LRP1B: variants seen among roughly 807,000 people sequenced by gnomAD.
LRP1B encodes the protein low-density lipoprotein receptor-related protein 1B.
In LRP1B, 217 loss-of-function variants were observed where a neutral mutation model predicts 556.6. The observed-to-expected ratio is 0.39, with a 90% confidence interval of 0.35 to 0.44. LRP1B has a LOEUF of 0.44. Among genes scored for constraint, LRP1B ranks in the 20% least tolerant of loss-of-function variants. The pLI is 1.00. For missense variants in LRP1B, 5,053 were observed against 5,620.8 expected (o/e 0.90, Z 3.23); for synonymous variants, 2,047 against 1,865.8 (o/e 1.10, Z -2.50).
intron 3 of LRP1B, among the ~76,000 whole-genome samples, chr2:141,474,204 T>A (rs1321047888): frequency 1.6e-5 from 2 of 128,020 alleles, no homozygotes; most frequent in Non-Finnish European, 3.4e-5. Context: ...CAGATAAATT[T>A]TTCCTTTCTG....
Position 140,521,073 on chromosome 2 carries a change from C to A in LRP1B, c.8027-4062G>T, listed in dbSNP as rs542124527. On this transcript the variant is annotated intron_variant, in intron 49 of 90. Transcript: ENST00000389484. ...TCAAGAAAAGTGATAAAATCTATGA[C>A]TTATTGAGATTCATGAGAGAGAAGA... Among the ~76,000 whole-genome samples, 51 of 151,834 alleles carry A rather than the reference C, an allele frequency of 3.4e-4. No homozygotes were observed. In the South Asian group the frequency reaches 1.0e-2, roughly 30 times the overall value.
intron 43 of LRP1B, among the ~76,000 whole-genome samples, chr2:140,544,969 CTT>C (rs1680273603): frequency 6.6e-6 from 1 of 152,018 alleles, no homozygotes; most frequent in African/African-American, 2.4e-5. Context: ...TACTTATTGA[CTT>C]TTTAATAATA....
At chr2:142,027,537 A>C (rs748996733) in intron 1 of LRP1B, among the ~76,000 whole-genome samples, 8 of 151,894 alleles carry the variant, frequency 5.3e-5, no homozygotes, top group Non-Finnish European at 1.0e-4. Context: ...AAACAGGCTA[A>C]CATTAGCTGA....
intron 59 of LRP1B, among the ~76,000 whole-genome samples, 185 bp from the exon 60 acceptor site, chr2:140,475,522 T>C (rs1687938965): frequency 6.6e-6 from 1 of 150,646 alleles, no homozygotes; most frequent in Non-Finnish European, 1.5e-5. Flanking sequence ...CTAGTATGAT[T>C]TGAAATATTC....
chr2:141,242,290 C>A (rs1286794448), intron 5 of LRP1B, among the ~76,000 whole-genome samples: 2 of 151,982 alleles, frequency 1.3e-5, no homozygotes, highest in Admixed American at 6.6e-5. Context: ...CTCCGCCTCC[C>A]AAAAGAAAAT....
intron 1 of LRP1B, among the ~76,000 whole-genome samples, chr2:141,987,103 T>C (rs1043854993): frequency 6.6e-6 from 1 of 151,934 alleles, no homozygotes; most frequent in Non-Finnish European, 1.5e-5. Flanking sequence ...TTTTCATCTT[T>C]ACCTTTATCT....
intron 3 of LRP1B, among the ~76,000 whole-genome samples, chr2:141,298,048 T>C (rs1344661356): frequency 6.6e-6 from 1 of 152,188 alleles, no homozygotes; most frequent in African/African-American, 2.4e-5. Context: ...AGCATGACTA[T>C]ATGGTGATTT....
rs1385540489 is a variant in LRP1B at position 140,525,957 on chromosome 2, A to G, written c.7913T>C (p.Val2638Ala). Reference protein sequence around the residue: ...TDCTHFYKLGVKTTGFIRCNS... With the variant: ...TDCTHFYKLGAKTTGFIRCNS... ...ACATCTTATGAACCCTGTGGTTTTC[A>G]CTCCAAGCTTATAGAAATGTGTGCA... The change falls in exon 49 of 91, where the codon GTG (valine) becomes GCG (alanine). Residue 2638 changes from valine to alanine, a missense_variant. By Grantham distance (64) the Val-to-Ala change is moderately conservative. Coordinates refer to ENST00000389484, the MANE Select transcript of LRP1B (RefSeq NM_018557.3). 6.2e-7 allele frequency: 1 copy of G among 1,612,296 alleles called. No individual in the cohort carries two copies. Among genetic ancestry groups the G allele is most frequent in the East Asian group, 2.2e-5 (1 of 44,822 alleles).
At chr2:141,436,586 T>C (rs1218510558) in intron 3 of LRP1B, among the ~76,000 whole-genome samples, 1 of 4,382 alleles carries the variant, frequency 2.3e-4, no homozygotes, top group Non-Finnish European at 8.5e-4. Context: ...TTTTCTCTCT[T>C]CTGTAAATCT....
At chr2:141,870,404 G>T (rs1456732013) in intron 1 of LRP1B, among the ~76,000 whole-genome samples, 2 of 151,806 alleles carry the variant, frequency 1.3e-5, no homozygotes, top group African/African-American at 4.8e-5. Context: ...AAGTTCAATG[G>T]TTAAGGAAAC....
chr2:140,768,468 T>C (rs1298228887), intron 35 of LRP1B, among the ~76,000 whole-genome samples: 1 of 151,968 alleles, frequency 6.6e-6, no homozygotes, highest in Non-Finnish European at 1.5e-5. Context: ...GCATTTATTT[T>C]GATAAGTTTA....
intron 1 of LRP1B, among the ~76,000 whole-genome samples, chr2:142,079,720 G>T (rs1559059332): frequency 6.6e-6 from 1 of 151,982 alleles, no homozygotes; most frequent in Non-Finnish European, 1.5e-5. Context: ...ATGTTGCCCA[G>T]GCTGATCTCG....
chr2:140,505,189 C>T (rs1378524322), intron 53 of LRP1B, among the ~76,000 whole-genome samples: 2 of 152,164 alleles, frequency 1.3e-5, no homozygotes, highest in Admixed American at 6.5e-5. Context: ...TCATTTAATT[C>T]TCTGAACAGT....
Position 142,084,750 on chromosome 2 carries a change from C to A in LRP1B, c.82+45898G>T, listed in dbSNP as rs1017104393. Among the ~76,000 whole-genome samples the A allele has an allele frequency of 5.3e-5, 8 of 152,156 alleles. No homozygotes were observed. The East Asian group carries it at 1.5e-3, about 29-fold the overall frequency. ...ATTGGTCCCTTCGCCAATTTTGCCC[C>A]TCTCTGAACCATTCTCCATATAATT... On this transcript the variant is annotated intron_variant, in intron 1 of 90. Coordinates refer to ENST00000389484, the MANE Select transcript of LRP1B (RefSeq NM_018557.3).
At chr2:141,959,961 T>G (rs958659878) in intron 1 of LRP1B, among the ~76,000 whole-genome samples, 5 of 151,904 alleles carry the variant, frequency 3.3e-5, no homozygotes, top group Non-Finnish European at 7.4e-5. Flanking sequence ...TAACACTGCA[T>G]AAAATGTAGG....
At chr2:140,693,237 C>T (rs1238780787) in intron 41 of LRP1B, among the ~76,000 whole-genome samples, 1 of 151,980 alleles carries the variant, frequency 6.6e-6, no homozygotes, top group African/African-American at 2.4e-5. Flanking sequence ...TTAAAATTGC[C>T]TTGGCAATTG....
intron 32 of LRP1B, among the ~76,000 whole-genome samples, chr2:140,810,396 T>G (rs1690877111): frequency 6.6e-6 from 1 of 152,214 alleles, no homozygotes; most frequent in African/African-American, 2.4e-5. Flanking sequence ...GACAAATTTC[T>G]TTTTAAACAT....
At chr2:140,861,993 G>C (rs879262638) in intron 27 of LRP1B, among the ~76,000 whole-genome samples, 3 of 151,992 alleles carry the variant, frequency 2.0e-5, no homozygotes, top group Admixed American at 6.6e-5. Flanking sequence ...AGTTTCCAAG[G>C]CTCTATCATT....
intron 43 of LRP1B, among the ~76,000 whole-genome samples, chr2:140,578,230 C>T (rs1225987186): frequency 6.6e-6 from 1 of 150,884 alleles, no homozygotes; most frequent in East Asian, 2.0e-4. Flanking sequence ...TTTTCCAAGG[C>T]AGCCTGGTCT....
Sources: allele counts gnomAD v4.1 joint callset (sites outside exome capture counted in the v4.1 genomes callset), GRCh38; gene constraint gnomAD v4.1.1; transcripts MANE v1.5; gene names NCBI Gene and HGNC (gene_info 2026-07-23, HGNC 2026-07-21).